NCMAP: variants seen among roughly 807,000 people sequenced by gnomAD.
NCMAP encodes the protein non-compact myelin associated protein.
A neutral mutation model predicts 7.8 loss-of-function variants in NCMAP; 8 were observed. That is an observed-to-expected ratio of 1.02 (90% CI 0.60 to 1.84). The LOEUF (loss-of-function observed/expected upper bound fraction) is 1.84, where lower values mean the gene tolerates loss of function less well. Ranked by LOEUF, NCMAP falls within the 40% of genes most tolerant of loss-of-function variation. The pLI, the probability that NCMAP is intolerant of heterozygous loss-of-function variation, is 0.00. For synonymous variants in NCMAP, 41 were observed against 52.9 expected, an observed-to-expected ratio of 0.78 and a Z score of 0.98; for missense variants, 112 against 131.4, an observed-to-expected ratio of 0.85 and a Z score of 0.72.
chr1:24,556,932 C>G (rs1650913337), intron 1 of NCMAP, among the ~76,000 whole-genome samples: 1 of 152,140 alleles, frequency 6.6e-6, no homozygotes, highest in African/African-American at 2.4e-5. Context: ...TACCCCTCAG[C>G]CAAGGCCGTC....
chr1:24,579,360 T>G (rs2148930538), intron 1 of NCMAP, among the ~76,000 whole-genome samples: 1 of 152,286 alleles, frequency 6.6e-6, no homozygotes, highest in Middle Eastern at 3.4e-3. Flanking sequence ...GTTCATTGTT[T>G]TGTTTGCTGT....
rs372802795 is a variant in NCMAP at position 24,605,727 on chromosome 1, G to A, written c.289G>A (p.Val97Ile). The A allele has an allele frequency of 2.5e-5, 40 of 1,614,040 alleles. No individual in the cohort carries two copies. In the South Asian group the frequency reaches 3.0e-4, roughly 12 times the overall value. Residue 97 changes from valine (V) to isoleucine (I), a missense_variant, in exon 4 of 4, where the codon GTC becomes ATC. Physicochemically the swap from Val to Ile is conservative, Grantham distance 29. Coordinates refer to ENST00000374392, the MANE Select transcript of NCMAP (RefSeq NM_001010980.5). ...AACTGTGACCTTCAGTCCTGTTGAC[G>A]TCCAGGTGGAGACGCGATGACCTCT... ...PATVTFSPVD[V>I]QVETR
intron 1 of NCMAP, among the ~76,000 whole-genome samples, chr1:24,579,740 A>C (rs573117510): frequency 6.6e-6 from 1 of 152,270 alleles, no homozygotes; most frequent in African/African-American, 2.4e-5. Context: ...AAAATAAATA[A>C]ATAAGGAAAC....
intron 3 of NCMAP, among the ~76,000 whole-genome samples, chr1:24,604,387 C>T (rs984447069): frequency 6.6e-6 from 1 of 150,718 alleles, no homozygotes; most frequent in Non-Finnish European, 1.5e-5. Flanking sequence ...CCAGCCTGGG[C>T]AACATAGTGA....
intron 1 of NCMAP, among the ~76,000 whole-genome samples, chr1:24,594,201 TATA>T (rs977097639): frequency 1.3e-5 from 2 of 152,126 alleles, no homozygotes; most frequent in African/African-American, 4.8e-5. Context: ...CCAGAGTGAT[TATA>T]ATATCATCGT....
intron 3 of NCMAP, among the ~76,000 whole-genome samples, chr1:24,602,447 G>C (rs1340210710): frequency 6.8e-6 from 1 of 146,282 alleles, no homozygotes; most frequent in African/African-American, 2.7e-5. Flanking sequence ...GTGGGCGCCT[G>C]TAGTCCCAGC....
In NCMAP at chr1:24,604,748, A is replaced by G. The variant is rs1389786816; in HGVS notation, c.168-858A>G. Among the ~76,000 whole-genome samples the G allele has an allele frequency of 2.1e-5, 3 of 145,758 alleles. No individual in the cohort carries two copies. In the East Asian group the frequency reaches 6.2e-4, roughly 30 times the overall value. On this transcript the variant is annotated intron_variant, in intron 3 of 3. Transcript: ENST00000374392. Reference sequence around the variant, plus strand: ...TGCAATCCCAGCACTTTGGGAGGCCAAGTGGGGAGGATCACTTGCCAGGAG... The same window carrying G: ...TGCAATCCCAGCACTTTGGGAGGCCGAGTGGGGAGGATCACTTGCCAGGAG...
chr1:24,574,800 T>TG (rs1473096659), intron 1 of NCMAP, among the ~76,000 whole-genome samples: 2 of 150,258 alleles, frequency 1.3e-5, no homozygotes, highest in African/African-American at 4.9e-5. Context: ...AATACTTTTT[T>TG]TTTTTTTTTT....
At chr1:24,579,072 C>G (rs2148930437) in intron 1 of NCMAP, among the ~76,000 whole-genome samples, 1 of 152,282 alleles carries the variant, frequency 6.6e-6, no homozygotes, top group Admixed American at 6.5e-5. Context: ...CTTGCTCCTT[C>G]CTACTGGAGG....
intron 1 of NCMAP, among the ~76,000 whole-genome samples, chr1:24,561,626 A>G (rs897051578): frequency 2.6e-5 from 4 of 152,032 alleles, no homozygotes; most frequent in Admixed American, 2.6e-4. Flanking sequence ...GAAGGAAGGG[A>G]GGGGCCGGGC....
intron 1 of NCMAP, among the ~76,000 whole-genome samples, chr1:24,568,797 T>C (rs536411642): frequency 6.6e-6 from 1 of 152,248 alleles, no homozygotes; most frequent in African/African-American, 2.4e-5. Context: ...CTTTTTGTTG[T>C]TGTTATTAGA....
intron 1 of NCMAP, among the ~76,000 whole-genome samples, chr1:24,584,320 C>T (rs1477981308): frequency 3.3e-5 from 5 of 152,216 alleles, no homozygotes; most frequent in Admixed American, 2.0e-4. Context: ...TTCCTCCCAC[C>T]GACTTCTGGC....
At chr1:24,577,172 G>A (rs1227258900) in intron 1 of NCMAP, among the ~76,000 whole-genome samples, 1 of 151,934 alleles carries the variant, frequency 6.6e-6, no homozygotes, top group Non-Finnish European at 1.5e-5. Flanking sequence ...AAAATAAAAA[G>A]GATGTCACAT....
intron 1 of NCMAP, among the ~76,000 whole-genome samples, chr1:24,572,327 TC>T (rs1244890460): frequency 6.6e-6 from 1 of 150,634 alleles, no homozygotes; most frequent in African/African-American, 2.5e-5. Flanking sequence ...GACTCTCCCG[TC>T]CAAGGTAAAT....
intron 1 of NCMAP, among the ~76,000 whole-genome samples, chr1:24,577,401 G>GTTTTTTTTTGTTTTTTTTTTTTTTTTTT (rs1651605073): frequency 5.0e-5 from 2 of 39,956 alleles, no homozygotes; most frequent in Non-Finnish European, 9.0e-5. Flanking sequence ...CACTGGCCTT[G>GTTTTTTTTTGTTTTTTTTTTTTTTTTTT]TTTTTTTTTT....
At chr1:24,557,232 A>G (rs1389376857) in intron 1 of NCMAP, among the ~76,000 whole-genome samples, 1 of 152,234 alleles carries the variant, frequency 6.6e-6, no homozygotes, top group Non-Finnish European at 1.5e-5. Flanking sequence ...ATGCATATGA[A>G]GTACAATGCT....
chr1:24,567,618 C>G (rs1022689654), intron 1 of NCMAP, among the ~76,000 whole-genome samples: 1 of 152,132 alleles, frequency 6.6e-6, no homozygotes, highest in Non-Finnish European at 1.5e-5. Context: ...AGAGAGGAGT[C>G]GCAAAGCCTC....
At chr1:24,597,989 A>G (rs56205880) in intron 2 of NCMAP, among the ~76,000 whole-genome samples, 5,270 of 152,108 alleles carry the variant, frequency 0.035, 146 homozygotes, top group Middle Eastern at 0.12. Flanking sequence ...GGGAACTTGG[A>G]GGCATTGCAA....
At position 24,608,049 on chromosome 1, in the gene NCMAP, G is replaced by T. The variant is rs1178938682; in HGVS notation, c.*2302G>T. ...TACTGTGTTTAAATATCCACCAAGT[G>T]TCAAGGACTTTGTAAGATGCTTTCA... On this transcript the variant is annotated 3_prime_UTR_variant, in exon 4 of 4. Transcript: ENST00000374392. 3 of 152,214 alleles carry T rather than the reference G, an allele frequency of 2.0e-5. No individual in the cohort carries two copies. The highest frequency in any genetic ancestry group is 7.2e-5 in the African/African-American group (3 of 41,462). The allele number at this position is 152,214 out of a possible 1,614,324, so 9.4% of individuals were successfully genotyped here. A position where few individuals can be genotyped will look rare whatever the true frequency, so the allele number is the denominator to read the frequency against.
Sources: gnomAD v4.1 joint callset for allele counts (sites outside exome capture counted in the v4.1 genomes callset) on GRCh38, gnomAD v4.1.1 for gene constraint, MANE v1.5 for transcripts, NCBI Gene and HGNC (gene_info 2026-07-23, HGNC 2026-07-21) for gene names.